BRF1: variants seen among roughly 807,000 people sequenced by gnomAD.
The protein encoded by BRF1 is BRF1 general transcription factor IIIB subunit.
In BRF1, 59 loss-of-function variants were observed where a neutral mutation model predicts 81.7. That is an observed-to-expected ratio of 0.72 (90% CI 0.59 to 0.90). The LOEUF (loss-of-function observed/expected upper bound fraction) is 0.90. BRF1 is among the 40% of genes least tolerant of loss of function. The pLI is 0.00. For missense variants in BRF1, 1,050 were observed against 936.3 expected (o/e 1.12, Z -1.58); for synonymous variants, 491 against 395.6 (o/e 1.24, Z -2.86).
At chr14:105,306,126 T>C (rs1303662084) in intron 1 of BRF1, among the ~76,000 whole-genome samples, 1 of 152,158 alleles carries the variant, frequency 6.6e-6, no homozygotes, top group African/African-American at 2.4e-5. Context: ...TAATCTGAAC[T>C]GAACGTGCTC....
At chr14:105,211,560 G>A in intron 16 of BRF1, 1 of 508,228 alleles carries the variant, frequency 2.0e-6, no homozygotes, top group Non-Finnish European at 3.5e-6. Flanking sequence ...CCAGTGCTCG[G>A]GGAGCATGCA....
intron 10 of BRF1, among the ~76,000 whole-genome samples, chr14:105,222,877 C>A (rs925362506): frequency 6.6e-6 from 1 of 152,168 alleles, no homozygotes; most frequent in Admixed American, 6.5e-5. Context: ...ATCTGCCCAC[C>A]TCAGCCTCCC....
At chr14:105,220,185 G>A (rs1257631527) in intron 11 of BRF1, 55 bp from the exon 12 acceptor site, 9 of 1,603,726 alleles carry the variant, frequency 5.6e-6, no homozygotes, top group African/African-American at 1.3e-5. Flanking sequence ...TTATAGGAGC[G>A]TGGCCACCAC....
At chr14:105,308,155 C>G (rs1313439188) in intron 1 of BRF1, among the ~76,000 whole-genome samples, 1 of 151,760 alleles carries the variant, frequency 6.6e-6, no homozygotes, top group African/African-American at 2.4e-5. Context: ...AGCACTCCAG[C>G]CTGGACCATA....
chr14:105,287,423 C>T (rs775338430), intron 1 of BRF1, among the ~76,000 whole-genome samples: 4 of 152,208 alleles, frequency 2.6e-5, no homozygotes, highest in Non-Finnish European at 4.4e-5. Flanking sequence ...CCCCCCGCCC[C>T]GCAGCGTCGG....
In BRF1 at chr14:105,265,065, G is replaced by GT. The variant is rs1491195384; in HGVS notation, c.439+7655dup. ...TTATCCTTTTTTTTGTTTTTTTTTTGTTTGTTTGTTTTTTTAGAGACAGGG... is the reference window on the plus strand; with the variant it reads ...TTATCCTTTTTTTTGTTTTTTTTTTGTTTTGTTTGTTTTTTTAGAGACAGGG... On this transcript the variant is annotated intron_variant, in intron 3 of 17. Transcript: ENST00000547530. Among the ~76,000 whole-genome samples, 17 of 126,316 alleles carry GT rather than the reference G, an allele frequency of 1.3e-4. 1 individual carries two copies. Among genetic ancestry groups the GT allele is most frequent in the Non-Finnish European group, 2.3e-4 (14 of 60,626 alleles). 82.9% of individuals were successfully genotyped at this position (126,316 alleles called of 152,430 possible).
chr14:105,228,323 C>T (rs371949928), intron 7 of BRF1: 118 of 153,128 alleles, frequency 7.7e-4, no homozygotes, highest in Middle Eastern at 3.4e-3. Context: ...GAGGCCAAGA[C>T]GGGCAGATCA....
intron 1 of BRF1, among the ~76,000 whole-genome samples, chr14:105,290,476 G>A (rs1325957929): frequency 5.3e-5 from 8 of 152,142 alleles, no homozygotes; most frequent in Non-Finnish European, 1.0e-4. Context: ...AGGGGACGCC[G>A]TACAGCCTCC....
At chr14:105,250,539 G>T in intron 5 of BRF1, 5 of 1,614,140 alleles carry the variant, frequency 3.1e-6, no homozygotes, top group Non-Finnish European at 3.4e-6. Flanking sequence ...AGCGAACTCA[G>T]CTACTTTGGG....
At chr14:105,224,691 G>C (rs1595297841) in intron 10 of BRF1, among the ~76,000 whole-genome samples, 1 of 152,142 alleles carries the variant, frequency 6.6e-6, no homozygotes. Flanking sequence ...GGGACTACAG[G>C]TGCACACTCC....
chr14:105,225,783 G>A (rs1486749876), intron 10 of BRF1, among the ~76,000 whole-genome samples: 3 of 152,178 alleles, frequency 2.0e-5, no homozygotes, highest in Non-Finnish European at 4.4e-5. Context: ...ATGGAGCTGG[G>A]ACTACAGGTG....
At chr14:105,262,222 A>AC (rs914904247) in intron 3 of BRF1, among the ~76,000 whole-genome samples, 5 of 152,104 alleles carry the variant, frequency 3.3e-5, no homozygotes, top group Admixed American at 1.3e-4. Context: ...TGCCCTCAGC[A>AC]CCCCAAGAGC....
upstream of BRF1, among the ~76,000 whole-genome samples, chr14:105,301,433 A>C: frequency 2.0e-5 from 2 of 101,962 alleles, no homozygotes; most frequent in South Asian, 6.1e-4. Context: ...GCTTGAGGCG[A>C]GGGGGCCGAG....
chr14:105,212,361 C>T lies in BRF1; in HGVS notation c.1773-197G>A. ...TCAACACAGAGCTCTGACCCGTTCA[C>T]ATTCTCAACAGCGAGCAGCACTCGA... On this transcript the variant is annotated intron_variant, in intron 15 of 17. Coordinates refer to ENST00000547530, the MANE Select transcript of BRF1 (RefSeq NM_001519.4). 3 of 642,578 alleles carry T rather than the reference C, an allele frequency of 4.7e-6. No homozygotes were observed. In the East Asian group the frequency reaches 8.6e-5, roughly 18 times the overall value. 39.8% of individuals were successfully genotyped at this position (642,578 alleles called of 1,614,324 possible). A position where few individuals can be genotyped will look rare whatever the true frequency, so the allele number is the denominator to read the frequency against.
rs587665391 is a variant in BRF1 at position 105,309,389 on chromosome 14, G to C, written c.-162+5933C>G. On this transcript the variant is annotated intron_variant, in intron 1 of 17. Transcript: ENST00000327359. The surrounding 1 kb of genome is among the most constrained non-coding windows in gnomAD (Gnocchi z 4.0). ...CCCATGTTGCTAAAACTGAGGCAGC[G>C]TTCCGTTTTGCTGGTTATTCCACAT... 6.6e-5 allele frequency among the ~76,000 whole-genome samples: 10 copies of C among 152,194 alleles called. No homozygotes were observed. The highest frequency in any genetic ancestry group is 1.3e-4 in the Non-Finnish European group (9 of 68,036).
At chr14:105,289,396 G>T (rs2057432928) in intron 1 of BRF1, among the ~76,000 whole-genome samples, 1 of 152,214 alleles carries the variant, frequency 6.6e-6, no homozygotes, top group Non-Finnish European at 1.5e-5. Flanking sequence ...GTCTCCTTGT[G>T]GGGGCTGGAG....
At chr14:105,296,490 G>A (rs1014703562) in intron 1 of BRF1, among the ~76,000 whole-genome samples, 1 of 151,652 alleles carries the variant, frequency 6.6e-6, no homozygotes, top group African/African-American at 2.4e-5. Context: ...TCCAGCCTGG[G>A]TGACAGAGCA....
chr14:105,279,244 A>G (rs779055734), intron 2 of BRF1, among the ~76,000 whole-genome samples: 24 of 152,200 alleles, frequency 1.6e-4, no homozygotes, highest in Middle Eastern at 3.2e-3. Flanking sequence ...TCTGTTCGTC[A>G]AAAGACAACA....
intron 6 of BRF1, among the ~76,000 whole-genome samples, chr14:105,229,646 G>A (rs1321922598): frequency 8.6e-5 from 13 of 151,098 alleles, no homozygotes; most frequent in South Asian, 6.2e-4. Flanking sequence ...CTGGGGGCGG[G>A]GGACAGCCTG....
Sources: allele counts gnomAD v4.1 joint callset (sites outside exome capture counted in the v4.1 genomes callset), GRCh38; gene constraint gnomAD v4.1.1; non-coding constraint Gnocchi (gnomAD v3.1); transcripts MANE v1.5; gene names NCBI Gene and HGNC (gene_info 2026-07-23, HGNC 2026-07-21).